The following ANK2 variants were observed in gnomAD, a reference collection of about 807,000 sequenced individuals.
The protein encoded by ANK2 is ankyrin-2.
Under a neutral mutation model 360.5 loss-of-function variants are expected in ANK2, and 83 were observed. That is an observed-to-expected ratio of 0.23 (90% CI 0.19 to 0.28). The LOEUF (loss-of-function observed/expected upper bound fraction) is 0.28. ANK2 is among the 10% of genes least tolerant of loss of function. The pLI, the probability that ANK2 is intolerant of heterozygous loss-of-function variation, is 1.00. For synonymous variants in ANK2, 1,740 were observed against 1,759.5 expected (o/e 0.99, Z 0.28); for missense variants, 4,201 against 4,795.7 (o/e 0.88, Z 3.66).
Position 113,117,594 on chromosome 4 carries a change from C to T in ANK2, c.85-56822C>T, listed in dbSNP as rs559870074. ...GCTGCATTGGGAGGAGATGCTTGAG[C>T]AGGGTGAATTTCCTTTGCTTTGACC... On this transcript the variant is annotated intron_variant, in intron 1 of 45. Transcript: ENST00000357077. 3.9e-5 allele frequency among the ~76,000 whole-genome samples: 6 copies of T among 152,246 alleles called. No homozygotes were observed. The South Asian group carries it at 1.2e-3, about 32-fold the overall frequency.
At chr4:112,964,715 G>A (rs956225236) in intron 2 of ANK2, among the ~76,000 whole-genome samples, 7 of 151,798 alleles carry the variant, frequency 4.6e-5, no homozygotes, top group Admixed American at 3.9e-4. Context: ...GACTACAGGC[G>A]CCCGCCACCA....
chr4:113,038,895 C>A (rs1199735932), intron 2 of ANK2, among the ~76,000 whole-genome samples: 1 of 152,000 alleles, frequency 6.6e-6, no homozygotes. Context: ...AGGAGTAGAT[C>A]CTCCAGCCTG....
At chr4:113,375,312 G>A (rs2096886167) in intron 45 of ANK2, among the ~76,000 whole-genome samples, 1 of 152,154 alleles carries the variant, frequency 6.6e-6, no homozygotes, top group Non-Finnish European at 1.5e-5. Flanking sequence ...ATATTTGCTA[G>A]CCAGTCTTTT....
At chr4:113,136,199 T>C (rs1034958767) in intron 1 of ANK2, among the ~76,000 whole-genome samples, 1 of 152,116 alleles carries the variant, frequency 6.6e-6, no homozygotes, top group African/African-American at 2.4e-5. Flanking sequence ...ACAGTGTCTG[T>C]TCATAAAAAG....
At chr4:113,348,386 G>A in intron 36 of ANK2, 78 bp downstream of exon 36, 5 of 1,486,668 alleles carry the variant, frequency 3.4e-6, no homozygotes, top group Non-Finnish European at 4.7e-6. Context: ...GTTAACCTGT[G>A]TTCTTAGACG....
chr4:113,079,560 C>T (rs1263812547), intron 1 of ANK2, among the ~76,000 whole-genome samples: 2 of 152,174 alleles, frequency 1.3e-5, no homozygotes, highest in African/African-American at 4.8e-5. Flanking sequence ...AGTTTTCTTA[C>T]TGCTCGTCAC....
chr4:112,998,159 A>T (rs2049307582), intron 2 of ANK2, among the ~76,000 whole-genome samples: 1 of 152,070 alleles, frequency 6.6e-6, no homozygotes, highest in African/African-American at 2.4e-5. Flanking sequence ...CAGAAATCTT[A>T]GATAACCCAG....
the ANK2 span, among the ~76,000 whole-genome samples, chr4:112,795,359 G>A: frequency 6.6e-6 from 1 of 152,140 alleles, no homozygotes; most frequent in Non-Finnish European, 1.5e-5. Context: ...GGTAACCCAA[G>A]AGTGGCCCCA....
intron 1 of ANK2, 21 bp from the exon 2 acceptor site, chr4:113,174,395 G>A (rs1376164486): frequency 1.3e-6 from 2 of 1,582,166 alleles, no homozygotes; most frequent in Non-Finnish European, 1.7e-6. Flanking sequence ...GTTCATTAAA[G>A]GTCTTTTATT....
At chr4:113,209,902 G>A (rs980173542) in intron 4 of ANK2, among the ~76,000 whole-genome samples, 10 of 150,220 alleles carry the variant, frequency 6.7e-5, no homozygotes, top group Non-Finnish European at 1.3e-4. Flanking sequence ...AGGCCCCTCA[G>A]GAGGAAGTGT....
chr4:112,713,858 C>G, the ANK2 span, among the ~76,000 whole-genome samples: 1 of 149,282 alleles, frequency 6.7e-6, no homozygotes, highest in East Asian at 2.0e-4. Flanking sequence ...GGCGTGAACC[C>G]GGGAGGCGGA....
intron 30 of ANK2, 111 bp downstream of exon 30, chr4:113,336,168 G>A: frequency 8.8e-7 from 1 of 1,136,796 alleles, no homozygotes; most frequent in Non-Finnish European, 1.3e-6. Context: ...AAAAAGGAAG[G>A]TAGCATTAAT....
chr4:113,032,964 A>C (rs1013450796), intron 2 of ANK2, among the ~76,000 whole-genome samples: 1 of 152,056 alleles, frequency 6.6e-6, no homozygotes, highest in Admixed American at 6.6e-5. Flanking sequence ...GACATTCACT[A>C]TATCATAAAA....
chr4:112,860,903 A>G (rs1276557164), intron 1 of ANK2, among the ~76,000 whole-genome samples: 1 of 152,204 alleles, frequency 6.6e-6, no homozygotes, highest in Non-Finnish European at 1.5e-5. Context: ...CTAAGGGTAA[A>G]CAAACTTCCT....
chr4:113,204,104 C>G (rs917511114), intron 4 of ANK2, among the ~76,000 whole-genome samples: 6 of 151,874 alleles, frequency 4.0e-5, no homozygotes, highest in Admixed American at 3.9e-4. Context: ...ATTTTTAGTT[C>G]TCATATAAGA....
chr4:113,331,392 C>A (rs2092407517), intron 27 of ANK2, among the ~76,000 whole-genome samples: 3 of 152,120 alleles, frequency 2.0e-5, no homozygotes, highest in Admixed American at 6.5e-5. Context: ...TATGTTCACA[C>A]CTGAAAAGGG....
At chr4:112,777,869 C>T in the ANK2 span, among the ~76,000 whole-genome samples, 5 of 151,822 alleles carry the variant, frequency 3.3e-5, no homozygotes, top group South Asian at 2.1e-4. Context: ...CCGCCCGCCT[C>T]GGCCTCCCAA....
chr4:113,378,220 C>T, intron 45 of ANK2: 1 of 1,042,932 alleles, frequency 9.6e-7, no homozygotes, highest in Non-Finnish European at 1.3e-6. Flanking sequence ...CCAACTAACA[C>T]CATAAAAATT....
intron 2 of ANK2, among the ~76,000 whole-genome samples, chr4:113,012,410 A>G (rs1470292187): frequency 6.6e-6 from 1 of 152,160 alleles, no homozygotes; most frequent in Non-Finnish European, 1.5e-5. Context: ...AGAATGCGAT[A>G]GGTCTTTCCT....
Sources: gnomAD v4.1 joint callset for allele counts (sites outside exome capture counted in the v4.1 genomes callset) on GRCh38, gnomAD v4.1.1 for gene constraint, MANE v1.5 for transcripts, NCBI Gene and HGNC (gene_info 2026-07-23, HGNC 2026-07-21) for gene names.